Variants in VDAC3 observed in about 807,000 individuals in gnomAD.
VDAC3 encodes voltage dependent anion channel 3.
VDAC3 carries 7 observed loss-of-function variants against 33.9 expected under a neutral mutation model. The ratio of observed to expected loss-of-function variants is 0.21; its 90% CI spans 0.12 to 0.39. The LOEUF (loss-of-function observed/expected upper bound fraction) is 0.39, where lower values mean the gene tolerates loss of function less well. Among genes scored for constraint, VDAC3 ranks in the 10% least tolerant of loss-of-function variants. The probability of loss-of-function intolerance (pLI) is 1.00; values close to 1 mark genes in which losing one functional copy is unlikely to be tolerated. For missense variants in VDAC3, 261 were observed against 334.5 expected (o/e 0.78, Z 1.71); for synonymous variants, 100 against 122.4 (o/e 0.82, Z 1.21).
At chr8:42,404,654 G>A (rs893832625) in intron 8 of VDAC3, among the ~76,000 whole-genome samples, 18 of 151,368 alleles carry the variant, frequency 1.2e-4, no homozygotes, top group Non-Finnish European at 2.5e-4. Context: ...CCCGGGAAGC[G>A]GAGGTTGCAG....
chr8:42,401,342 G>T (rs1041873742), intron 6 of VDAC3, among the ~76,000 whole-genome samples: 1 of 151,800 alleles, frequency 6.6e-6, no homozygotes, highest in African/African-American at 2.4e-5. Context: ...GACTACAGGC[G>T]TGTGCCACCA....
At chr8:42,400,286 C>T (rs148661718) in intron 6 of VDAC3, among the ~76,000 whole-genome samples, 1,814 of 149,768 alleles carry the variant, frequency 0.012, 49 homozygotes, top group African/African-American at 0.043. Context: ...TGCAGTGAGC[C>T]GAGATGCACT....
chr8:42,393,013 A>G (rs903360489), intron 1 of VDAC3, among the ~76,000 whole-genome samples: 9 of 152,228 alleles, frequency 5.9e-5, no homozygotes, highest in African/African-American at 1.9e-4. Flanking sequence ...GGTAGCTTAG[A>G]GCAAAGTTTT....
Position 42,400,108 on chromosome 8 carries a change from T to C in VDAC3, c.323+405T>C, listed in dbSNP as rs970248316. Among the ~76,000 whole-genome samples the C allele has an allele frequency of 3.2e-4, 48 of 152,034 alleles. 1 individual carries two copies. Among genetic ancestry groups the C allele is most frequent in the Admixed American group, 3.1e-3 (48 of 15,278 alleles). ...ATCCTAGCACTTTGGGAGGCCGAGA[T>C]GGGCGGATCATGAGGTCCGGAGATG... On this transcript the variant is annotated intron_variant, in intron 6 of 9. Transcript: ENST00000022615.
At chr8:42,399,207 G>A (rs961527880) in intron 5 of VDAC3, among the ~76,000 whole-genome samples, 1 of 152,134 alleles carries the variant, frequency 6.6e-6, no homozygotes, top group African/African-American at 2.4e-5. Context: ...ATGTTTTCAA[G>A]GAGAAAATCT....
At chr8:42,393,166 C>A (rs961984068) in intron 1 of VDAC3, among the ~76,000 whole-genome samples, 9 of 152,046 alleles carry the variant, frequency 5.9e-5, no homozygotes, top group African/African-American at 2.2e-4. Context: ...TAAATGCATT[C>A]CCATTTAAGT....
chr8:42,403,909 G>A (rs906544073), intron 8 of VDAC3, among the ~76,000 whole-genome samples: 7 of 151,080 alleles, frequency 4.6e-5, no homozygotes, highest in Non-Finnish European at 1.0e-4. Flanking sequence ...TATGCTTGAC[G>A]TCAGGAAATA....
chr8:42,404,771 C>A, intron 8 of VDAC3, 96 bp from the exon 9 acceptor site: 1 of 963,318 alleles, frequency 1.0e-6, no homozygotes, highest in Non-Finnish European at 1.6e-6. Flanking sequence ...CCCTAGGGTG[C>A]TTTTAGCATT....
chr8:42,403,670 G>A (rs947458446), intron 8 of VDAC3, among the ~76,000 whole-genome samples: 9 of 152,210 alleles, frequency 5.9e-5, no homozygotes, highest in African/African-American at 2.2e-4. Context: ...GAGGTCAGGA[G>A]TTCAAGACCA....
Position 42,398,784 on chromosome 8 carries a change from G to A in VDAC3, c.190G>A (p.Val64Ile), listed in dbSNP as rs369947157. ...AGGCAACCTAGAAACCAAATATAAG[G>A]TCTGTAACTATGGACTTACCTTCAC... ...ASGNLETKYK[V>I]CNYGLTFTQK... The change falls in exon 5 of 10, where the codon GTC (valine) becomes ATC (isoleucine). Residue 64 changes from valine (V) to isoleucine (I), a missense_variant. Coordinates refer to ENST00000022615, the MANE Select transcript of VDAC3 (RefSeq NM_005662.7). 1 of 1,613,838 alleles carries A rather than the reference G, an allele frequency of 6.2e-7. No homozygotes were observed. The highest frequency in any genetic ancestry group is 8.5e-7 in the Non-Finnish European group (1 of 1,179,990).
chr8:42,394,998 A>C, intron 3 of VDAC3, 86 bp from the exon 4 acceptor site: 4 of 1,505,942 alleles, frequency 2.7e-6, no homozygotes, highest in Non-Finnish European at 2.8e-6. Flanking sequence ...AAGGTACTAT[A>C]GGCTATTTCA....
intron 7 of VDAC3, 140 bp downstream of exon 7, chr8:42,402,155 A>G: frequency 1.0e-6 from 1 of 952,688 alleles, no homozygotes; most frequent in East Asian, 2.6e-5. Flanking sequence ...CTCATAGCAA[A>G]ACCTTGCCAG....
chr8:42,405,094 A>G (rs948275081), intron 9 of VDAC3, among the ~76,000 whole-genome samples, 170 bp downstream of exon 9: 1 of 152,248 alleles, frequency 6.6e-6, no homozygotes, highest in African/African-American at 2.4e-5. Flanking sequence ...GCATTAAAAA[A>G]GTATGTATTT....
intron 7 of VDAC3, 105 bp from the exon 8 acceptor site, chr8:42,403,206 T>G: frequency 7.2e-7 from 1 of 1,394,140 alleles, no homozygotes; most frequent in Non-Finnish European, 9.8e-7. Flanking sequence ...AATCTATAGT[T>G]ACAAAATGGG....
chr8:42,403,614 G>A (rs1425552136), intron 8 of VDAC3, among the ~76,000 whole-genome samples, 153 bp downstream of exon 8: 3 of 152,240 alleles, frequency 2.0e-5, no homozygotes, highest in Non-Finnish European at 4.4e-5. Flanking sequence ...CCAGGCTCAC[G>A]CCTGTATTCC....
chr8:42,396,513 C>T, intron 4 of VDAC3: 2 of 552,786 alleles, frequency 3.6e-6, no homozygotes, highest in South Asian at 2.6e-5. Context: ...TATGCACCTC[C>T]CTTACTAAGA....
rs760918316 is a variant in VDAC3, at chr8:42,403,385, C to G, written c.626C>G (p.Ala209Gly). The G allele has an allele frequency of 6.2e-7, 1 of 1,613,132 alleles. No homozygotes were observed. The highest frequency in any genetic ancestry group is 8.5e-7 in the Non-Finnish European group (1 of 1,179,772). The change falls in exon 8 of 10, where the codon GCT (alanine) becomes GGT (glycine). Residue 209 changes from alanine to glycine, a missense_variant. Ala to Gly is a moderately conservative substitution (Grantham distance 60, BLOSUM62 0). Transcript: ENST00000022615. The stretch of plus-strand genomic sequence containing the variant: ...AAGATTGAAACATCCATAAACCTTG[C>G]TTGGACAGCTGGGAGTAACAACACC... ...NEKIETSINL[A>G]WTAGSNNTRF...
At chr8:42,404,833 T>C (rs1406768817) in intron 8 of VDAC3, 34 bp from the exon 9 acceptor site, 1 of 1,584,632 alleles carries the variant, frequency 6.3e-7, no homozygotes, top group Non-Finnish European at 8.7e-7. Context: ...TGTAATTCAC[T>C]GTTTTCTGTT....
intron 4 of VDAC3, among the ~76,000 whole-genome samples, chr8:42,395,534 TAAATA>T (rs1802295392): frequency 6.6e-6 from 1 of 152,242 alleles, no homozygotes; most frequent in Admixed American, 6.5e-5. Flanking sequence ...ACAAAATATG[TAAATA>T]AAATGTATTT....
Sources: allele counts gnomAD v4.1 joint callset (sites outside exome capture counted in the v4.1 genomes callset), GRCh38; gene constraint gnomAD v4.1.1; transcripts MANE v1.5; gene names NCBI Gene and HGNC (gene_info 2026-07-23, HGNC 2026-07-21).